Variants in PRELID2 observed in about 807,000 individuals in gnomAD.
PRELID2 encodes the protein PRELI domain-containing protein 2.
In PRELID2, 25 loss-of-function variants were observed where a neutral mutation model predicts 28.4. The observed-to-expected ratio is 0.88, with a 90% CI of 0.64 to 1.23. PRELID2 has a LOEUF of 1.23. Among genes scored for constraint, PRELID2 ranks in the 50% most tolerant of loss-of-function variants. PRELID2 has a pLI of 0.00. For missense variants in PRELID2, 201 were observed against 214.4 expected (o/e 0.94, Z 0.39); for synonymous variants, 76 against 71.6 (o/e 1.06, Z -0.31).
downstream of PRELID2, among the ~76,000 whole-genome samples, chr5:145,469,177 G>A (rs991222793): frequency 6.6e-5 from 10 of 151,798 alleles, no homozygotes; most frequent in African/African-American, 9.7e-5. Flanking sequence ...TATCTCCTTC[G>A]CCCCTTAGAC....
chr5:145,350,358 A>AT, the PRELID2 span, among the ~76,000 whole-genome samples: 15 of 152,312 alleles, frequency 9.8e-5, no homozygotes, highest in East Asian at 2.9e-3. Flanking sequence ...GATGAGTGGG[A>AT]ACTCATTAGG....
intron 1 of PRELID2, among the ~76,000 whole-genome samples, chr5:145,581,941 A>C (rs1205423275): frequency 6.6e-6 from 1 of 152,226 alleles, no homozygotes; most frequent in Admixed American, 6.5e-5. Flanking sequence ...CAACTGATTC[A>C]AATTAGCCAT....
intron 5 of PRELID2, among the ~76,000 whole-genome samples, chr5:145,778,421 G>A (rs1758554707): frequency 6.6e-6 from 1 of 152,222 alleles, no homozygotes; most frequent in Non-Finnish European, 1.5e-5. Flanking sequence ...TACACACTGT[G>A]AGTTCCCTCT....
At chr5:145,703,343 C>A (rs1442150750) in intron 1 of PRELID2, among the ~76,000 whole-genome samples, 1 of 152,198 alleles carries the variant, frequency 6.6e-6, no homozygotes, top group African/African-American at 2.4e-5. Context: ...GATGTCTCAT[C>A]TTCCTTCTGT....
intron 1 of PRELID2, among the ~76,000 whole-genome samples, chr5:145,540,662 C>A (rs1580972080): frequency 6.8e-6 from 1 of 147,748 alleles, no homozygotes; most frequent in African/African-American, 2.5e-5. Flanking sequence ...TTATTTAAGA[C>A]CCATTTTTTC....
chr5:145,816,143 T>C (rs917404741), intron 4 of PRELID2, among the ~76,000 whole-genome samples: 1 of 145,466 alleles, frequency 6.9e-6, no homozygotes, highest in Non-Finnish European at 1.5e-5. Flanking sequence ...AGTGCCATGG[T>C]GCGATCTCGG....
chr5:145,743,683 G>A (rs972750246), intron 1 of PRELID2, among the ~76,000 whole-genome samples: 2 of 152,138 alleles, frequency 1.3e-5, no homozygotes, highest in Admixed American at 6.5e-5. Flanking sequence ...TGTGCAACCC[G>A]TGGGTCGGAA....
At chr5:145,271,731 G>C in the PRELID2 span, among the ~76,000 whole-genome samples, 3 of 151,958 alleles carry the variant, frequency 2.0e-5, no homozygotes, top group Non-Finnish European at 4.4e-5. Flanking sequence ...CTTGATTATT[G>C]ACACCTCCAT....
At chr5:145,368,909 C>A in the PRELID2 span, among the ~76,000 whole-genome samples, 2 of 151,602 alleles carry the variant, frequency 1.3e-5, no homozygotes, top group African/African-American at 2.4e-5. Flanking sequence ...CATTTCATCA[C>A]CCAAGTATTA....
chr5:145,622,754 T>C (rs1227816478), intron 1 of PRELID2, among the ~76,000 whole-genome samples: 3 of 151,760 alleles, frequency 2.0e-5, no homozygotes, highest in Non-Finnish European at 4.4e-5. Context: ...GTTCTGAAAG[T>C]ATAAATAGAG....
intron 1 of PRELID2, among the ~76,000 whole-genome samples, chr5:145,603,128 C>A (rs1167043532): frequency 1.3e-5 from 2 of 149,942 alleles, no homozygotes; most frequent in African/African-American, 5.1e-5. Context: ...ACCTCACATA[C>A]ATGTAATTGG....
chr5:145,399,048 G>C, the PRELID2 span, among the ~76,000 whole-genome samples: 2 of 152,122 alleles, frequency 1.3e-5, no homozygotes, highest in Non-Finnish European at 2.9e-5. Flanking sequence ...CCTGAGATTG[G>C]AGAAGTGGAG....
At chr5:145,333,870 T>C in the PRELID2 span, among the ~76,000 whole-genome samples, 6 of 149,090 alleles carry the variant, frequency 4.0e-5, no homozygotes, top group Non-Finnish European at 8.9e-5. Flanking sequence ...GCCCAAACGG[T>C]CGCCCAGTTT....
chr5:145,460,962 A>G, the PRELID2 span, among the ~76,000 whole-genome samples: 1 of 152,256 alleles, frequency 6.6e-6, no homozygotes, highest in East Asian at 1.9e-4. Context: ...AACCCTTAAA[A>G]TGGAAAACAA....
the PRELID2 span, among the ~76,000 whole-genome samples, chr5:145,401,840 T>A: frequency 6.6e-6 from 1 of 152,204 alleles, no homozygotes; most frequent in African/African-American, 2.4e-5. Context: ...ACAGTGCTAT[T>A]ATTCTCACAG....
intron 1 of PRELID2, among the ~76,000 whole-genome samples, chr5:145,500,573 A>G (rs377104296): frequency 6.6e-5 from 10 of 152,326 alleles, no homozygotes; most frequent in East Asian, 1.9e-4. Flanking sequence ...GACATTCATC[A>G]GCCCACAGAA....
At chr5:145,829,631 T>A (rs1045344221) in intron 1 of PRELID2, among the ~76,000 whole-genome samples, 1 of 152,186 alleles carries the variant, frequency 6.6e-6, no homozygotes, top group African/African-American at 2.4e-5. Context: ...CTCACAGGGC[T>A]AACAGCGCTC....
the PRELID2 span, among the ~76,000 whole-genome samples, chr5:145,432,854 A>G: frequency 2.0e-5 from 3 of 152,118 alleles, no homozygotes; most frequent in East Asian, 3.9e-4. Flanking sequence ...GAAGAAAATA[A>G]CCCCAAACTT....
At chr5:145,314,812 A>G in the PRELID2 span, among the ~76,000 whole-genome samples, 2 of 152,008 alleles carry the variant, frequency 1.3e-5, no homozygotes, top group South Asian at 2.1e-4. Context: ...CTTTTTATTC[A>G]TATCTGAGAT....
Sources: allele counts gnomAD v4.1 joint callset (sites outside exome capture counted in the v4.1 genomes callset), GRCh38; gene constraint gnomAD v4.1.1; transcripts MANE v1.5; gene names NCBI Gene and HGNC (gene_info 2026-07-23, HGNC 2026-07-21).